The following FAM118B variants were observed in gnomAD, a reference collection of about 807,000 sequenced individuals.
FAM118B encodes the protein protein FAM118B.
Under a neutral mutation model 38.5 loss-of-function variants are expected in FAM118B, and 24 were observed. That is an observed-to-expected ratio of 0.62 (90% CI 0.45 to 0.88). The LOEUF (loss-of-function observed/expected upper bound fraction) is 0.88, where lower values mean the gene tolerates loss of function less well. FAM118B is among the 40% of genes least tolerant of loss of function. The probability of loss-of-function intolerance (pLI) is 0.00; values close to 1 mark genes in which losing one functional copy is unlikely to be tolerated. For missense variants in FAM118B, 334 were observed against 420.0 expected, an observed-to-expected ratio of 0.80 and a Z score of 1.79; for synonymous variants, 138 against 156.3, an observed-to-expected ratio of 0.88 and a Z score of 0.87.
chr11:126,217,914 C>T (rs73027000), intron 1 of FAM118B, among the ~76,000 whole-genome samples: 8,261 of 152,218 alleles, frequency 0.054, 359 homozygotes, highest in East Asian at 0.18. Context: ...ATCCTTCTTA[C>T]GTGACCGTAT....
Position 126,261,442 on chromosome 11 carries a change from G to C in FAM118B, c.1000G>C (p.Gly334Arg), listed in dbSNP as rs1591533932. The C allele has an allele frequency of 6.2e-7, 1 of 1,613,950 alleles. No individual in the cohort carries two copies. The highest frequency in any genetic ancestry group is 2.2e-5 in the East Asian group (1 of 44,868). The change falls in exon 8 of 9, where the codon GGT becomes CGT. Residue 334 changes from glycine (G) to arginine (R), a missense_variant. Gly to Arg is a moderately radical substitution (Grantham distance 125, BLOSUM62 -2). Coordinates refer to ENST00000533050, the MANE Select transcript of FAM118B (RefSeq NM_024556.4). ...CTATTTAGCAGGGATGGTGAGAGAA[G>C]GTCAGCTAAATGGCTCATCTGCAGC... ...RGTSAGMVRE[G>R]QLNGSSAAHS...
intron 4 of FAM118B, among the ~76,000 whole-genome samples, chr11:126,248,947 C>T (rs561176741): frequency 6.6e-6 from 1 of 152,326 alleles, no homozygotes; most frequent in Admixed American, 6.5e-5. Context: ...GTCCCAAGAG[C>T]CACTTTGTCT....
chr11:126,244,660 T>C lies in FAM118B; in HGVS notation c.339+3616T>C, dbSNP rs1194926058. ...CTCTACTAAAAATACAAAAATTAGC[T>C]GAGCATGATGGCGGGTGCCTATAAT... On this transcript the variant is annotated intron_variant, in intron 4 of 8. Coordinates refer to ENST00000533050, the MANE Select transcript of FAM118B (RefSeq NM_024556.4). This position sits in a 1 kb window ranked among gnomAD's most constrained non-coding sequence, Gnocchi z 4.5. Among the ~76,000 whole-genome samples, 2 of 151,962 alleles carry C rather than the reference T, an allele frequency of 1.3e-5. No homozygotes were observed. Among genetic ancestry groups the C allele is most frequent in the Non-Finnish European group, 2.9e-5 (2 of 67,988 alleles).
intron 8 of FAM118B, 145 bp from the exon 9 acceptor site, chr11:126,261,975 A>T (rs2135230107): frequency 1.3e-6 from 1 of 793,454 alleles, no homozygotes; most frequent in East Asian, 2.7e-5. Flanking sequence ...TAAAAAGTAA[A>T]TAAAATTTTA....
At chr11:126,229,967 A>G (rs773680956) in intron 2 of FAM118B, among the ~76,000 whole-genome samples, 2 of 152,206 alleles carry the variant, frequency 1.3e-5, no homozygotes, top group Non-Finnish European at 1.5e-5. Context: ...ACTCTGTTAA[A>G]GCACATGTTC....
chr11:126,238,895 A>AG (rs1263205833), intron 3 of FAM118B, among the ~76,000 whole-genome samples: 3 of 151,892 alleles, frequency 2.0e-5, no homozygotes, highest in Non-Finnish European at 4.4e-5. Flanking sequence ...AAAAAAAAAA[A>AG]GTAACTATTA....
intron 1 of FAM118B, among the ~76,000 whole-genome samples, chr11:126,219,831 A>C (rs1292640784): frequency 6.8e-6 from 1 of 146,346 alleles, no homozygotes; most frequent in Non-Finnish European, 1.5e-5. Context: ...GAAAACATGC[A>C]CTACTGTACT....
chr11:126,211,730 C>T (rs1276425334), upstream of FAM118B: 8 of 1,431,438 alleles, frequency 5.6e-6, no homozygotes, highest in South Asian at 1.3e-5. Context: ...TCACGTGGTG[C>T]GGGGTGGGGC....
chr11:126,220,200 T>C (rs1000768988), intron 1 of FAM118B, among the ~76,000 whole-genome samples: 3 of 152,110 alleles, frequency 2.0e-5, no homozygotes, highest in Non-Finnish European at 4.4e-5. Context: ...GGGGGAAAGG[T>C]GCTCTCTTTT....
At chr11:126,241,612 C>T (rs1045202358) in intron 4 of FAM118B, among the ~76,000 whole-genome samples, 8 of 151,822 alleles carry the variant, frequency 5.3e-5, no homozygotes, top group African/African-American at 1.2e-4. Context: ...TTCAGTGGTT[C>T]GATCTCGCCT....
At position 126,211,799 on chromosome 11, in the gene FAM118B, CA is replaced by C. The variant is rs1330019767; in HGVS notation, c.-107del. The C allele has an allele frequency of 2.7e-6, 2 of 728,546 alleles. No individual in the cohort carries two copies. 45.1% of individuals were successfully genotyped at this position (728,546 alleles called of 1,614,324 possible). ...GTGCGGCTGCGCCGGCCGGTAGCTG[CA>C]GCTGGAGCAGTGGCGTTTGGAGGAG... On this transcript the variant is annotated 5_prime_UTR_variant, in exon 1 of 9. Coordinates refer to ENST00000533050, the MANE Select transcript of FAM118B (RefSeq NM_024556.4).
rs1034247104 is a variant in FAM118B at position 126,255,358 on chromosome 11, A to G, written c.696+925A>G. On this transcript the variant is annotated intron_variant, in intron 6 of 8. Coordinates refer to ENST00000533050, the MANE Select transcript of FAM118B (RefSeq NM_024556.4). This position sits in a 1 kb window ranked among gnomAD's most constrained non-coding sequence, Gnocchi z 4.6. ...ATGAGGCAAAAGACCGAGAAAATGT[A>G]TTGTCTAAAGCACAAGGGACTTTTT... is the stretch of plus-strand genomic sequence containing the variant. Among the ~76,000 whole-genome samples, 6 of 152,178 alleles carry G rather than the reference A, an allele frequency of 3.9e-5. No homozygotes were observed. The highest frequency in any genetic ancestry group is 2.0e-4 in the Admixed American group (3 of 15,282).
rs970249980 is a variant in FAM118B at position 126,252,105 on chromosome 11, G to C, written c.567+1372G>C. On this transcript the variant is annotated intron_variant, in intron 5 of 8. Transcript: ENST00000533050. This position sits in a 1 kb window ranked among gnomAD's most constrained non-coding sequence, Gnocchi z 4.7. The stretch of plus-strand genomic sequence containing the variant: ...GGGTTCAAGCGATTCTCCTGCCTCA[G>C]CGTCCCGAATAGCTGGGATTACAGG... Among the ~76,000 whole-genome samples the C allele has an allele frequency of 2.0e-5, 3 of 152,084 alleles. No homozygotes were observed. The highest frequency in any genetic ancestry group is 7.2e-5 in the African/African-American group (3 of 41,392).
At chr11:126,214,488 C>CTTTTTTTTTTTT (rs1565322268) in intron 1 of FAM118B, 4 of 34,854 alleles carry the variant, frequency 1.1e-4, no homozygotes, top group East Asian at 9.1e-4. Flanking sequence ...TCTTTTGTTT[C>CTTTTTTTTTTTT]TGTTTTTTTT....
Position 126,211,785 on chromosome 11 carries a change from C to G in FAM118B, c.-122C>G. 1 of 850,468 alleles carries G rather than the reference C, an allele frequency of 1.2e-6. No homozygotes were observed. Among genetic ancestry groups the G allele is most frequent in the Admixed American group, 2.8e-5 (1 of 35,598 alleles). 52.7% of individuals were successfully genotyped at this position (850,468 alleles called of 1,614,324 possible). ...ACGGTGCGCGCTCAGTGCGGCTGCG[C>G]CGGCCGGTAGCTGCAGCTGGAGCAG... On this transcript the variant is annotated 5_prime_UTR_variant, in exon 1 of 9. Coordinates refer to ENST00000533050, the MANE Select transcript of FAM118B (RefSeq NM_024556.4).
chr11:126,221,200 A>G (rs1418325558), intron 1 of FAM118B, among the ~76,000 whole-genome samples: 1 of 152,160 alleles, frequency 6.6e-6, no homozygotes, highest in African/African-American at 2.4e-5. Flanking sequence ...GAAAAACAAT[A>G]TTAATTTTTG....
At chr11:126,227,058 CTTTTTTTTT>C (rs575065140) in intron 1 of FAM118B, among the ~76,000 whole-genome samples, 3 of 97,172 alleles carry the variant, frequency 3.1e-5, no homozygotes, top group African/African-American at 1.1e-4. Flanking sequence ...ATACAAGCTT[CTTTTTTTTT>C]TTTTTTTTTT....
At chr11:126,219,856 TA>T (rs10707118) in intron 1 of FAM118B, among the ~76,000 whole-genome samples, 105,011 of 144,990 alleles carry the variant, frequency 0.72, 37,592 homozygotes, top group South Asian at 0.82. Flanking sequence ...AAAATTAACT[TA>T]AAAAAAAAAA....
At chr11:126,254,211 A>T (rs1950543297) in intron 5 of FAM118B, 94 bp from the exon 6 acceptor site, 3 of 1,431,850 alleles carry the variant, frequency 2.1e-6, no homozygotes, top group Non-Finnish European at 2.8e-6. Flanking sequence ...TTTATGTCAG[A>T]AGTCTAGTCC....
Sources: allele counts gnomAD v4.1 joint callset (sites outside exome capture counted in the v4.1 genomes callset), GRCh38; gene constraint gnomAD v4.1.1; non-coding constraint Gnocchi (gnomAD v3.1); transcripts MANE v1.5; gene names NCBI Gene and HGNC (gene_info 2026-07-23, HGNC 2026-07-21).